GRID2IP: variants seen among roughly 807,000 people sequenced by gnomAD.
GRID2IP encodes Grid2 interacting protein.
GRID2IP carries 78 observed loss-of-function variants against 114.3 expected under a neutral mutation model. The observed-to-expected ratio is 0.68, with a 90% CI of 0.57 to 0.82. The LOEUF (loss-of-function observed/expected upper bound fraction) is 0.82, where lower values mean the gene tolerates loss of function less well. Ranked by LOEUF, GRID2IP falls within the 40% of genes least tolerant of loss-of-function variation. The pLI is 0.00. For missense variants in GRID2IP, 1,727 were observed against 1,678.5 expected, an observed-to-expected ratio of 1.03 and a Z score of -0.51; for synonymous variants, 809 against 724.0, an observed-to-expected ratio of 1.12 and a Z score of -1.89.
At position 6,503,604 on chromosome 7, in the gene GRID2IP, C is replaced by G. The variant is rs1381866873; in HGVS notation, c.2794G>C (p.Ala932Pro). 5.2e-6 allele frequency: 8 copies of G among 1,529,162 alleles called. No individual in the cohort carries two copies. The highest frequency in any genetic ancestry group is 7.0e-6 in the Non-Finnish European group (8 of 1,144,380). The allele number at this position is 1,529,162 out of a possible 1,614,324, so 94.7% of individuals were successfully genotyped here. ...MSMEPRRLEPAHLAQLLLFAP... is the reference protein window; with the variant it reads ...MSMEPRRLEPPHLAQLLLFAP... ...AAGAGCAGCAGCTGCGCGAGATGTG[C>G]GGGCTCCAGGCGCCGGGGCTCCATG... is the stretch of plus-strand genomic sequence containing the variant. Residue 932 changes from alanine (A) to proline (P), a missense_variant, in exon 16 of 22, where the codon GCA becomes CCA. Ala to Pro is a conservative substitution (Grantham distance 27). Coordinates refer to ENST00000457091, the MANE Select transcript of GRID2IP (RefSeq NM_001145118.2).
chr7:6,522,805 A>ATGTGTGTGTGTGTGTGTGTGTGTGTG (rs776645557), intron 4 of GRID2IP, among the ~76,000 whole-genome samples: 3 of 57,044 alleles, frequency 5.3e-5, no homozygotes, highest in African/African-American at 1.6e-4. Context: ...TGCCTGGCTA[A>ATGTGTGTGTGTGTGTGTGTGTGTGTG]TATGTGTGTG....
At chr7:6,531,358 G>A (rs932644284) in intron 2 of GRID2IP, among the ~76,000 whole-genome samples, 2 of 152,172 alleles carry the variant, frequency 1.3e-5, no homozygotes, top group Admixed American at 6.5e-5. Flanking sequence ...GTTTGAAGCC[G>A]CCGCGCTCAC....
chr7:6,551,124 G>C lies in GRID2IP; in HGVS notation c.313C>G (p.Pro105Ala), dbSNP rs1388001122. The change falls in exon 1 of 22, where the codon CCG (proline) becomes GCG (alanine). Residue 105 changes from proline to alanine, a missense_variant. By Grantham distance (27) the Pro-to-Ala change is conservative. Transcript: ENST00000457091. ...PAAPTTVLRA[P>A]RCGRGLALGR... ...AGAGCTAGGCCGCGGCCGCACCGCGGGGCCCGCAAGACTGTGGTCGGGGCC... is the reference window on the plus strand; with the variant it reads ...AGAGCTAGGCCGCGGCCGCACCGCGCGGCCCGCAAGACTGTGGTCGGGGCC... The C allele has an allele frequency of 1.5e-6, 2 of 1,299,492 alleles. No homozygotes were observed. The highest frequency in any genetic ancestry group is 1.9e-6 in the Non-Finnish European group (2 of 1,028,046). The allele number at this position is 1,299,492 out of a possible 1,614,324, so 80.5% of individuals were successfully genotyped here. A position where few individuals can be genotyped will look rare whatever the true frequency, so the allele number is the denominator to read the frequency against.
In GRID2IP at chr7:6,550,856, A is replaced by C. The variant is rs186961327; in HGVS notation, c.429+152T>G. On this transcript the variant is annotated intron_variant, in intron 1 of 21. Transcript: ENST00000457091. ...AAAAAAAAATGCAAAATTGTTTGCA[A>C]GGTTTTGAAGTTGAGCATTCCCATA... 2.2e-4 allele frequency among the ~76,000 whole-genome samples: 34 copies of C among 151,828 alleles called. No individual in the cohort carries two copies. The East Asian group carries it at 6.4e-3, about 29-fold the overall frequency.
chr7:6,542,722 C>T (rs1333071000), intron 1 of GRID2IP, among the ~76,000 whole-genome samples: 6 of 152,116 alleles, frequency 3.9e-5, no homozygotes, highest in Admixed American at 3.9e-4. Context: ...TGCAGAATTT[C>T]TTGTTAGAGT....
chr7:6,510,774 G>T, intron 9 of GRID2IP, 68 bp from the exon 10 acceptor site: 1 of 1,483,036 alleles, frequency 6.7e-7, no homozygotes, highest in Non-Finnish European at 9.2e-7. Context: ...GAACCAACAT[G>T]CCCCGCAGAC....
intron 1 of GRID2IP, among the ~76,000 whole-genome samples, chr7:6,542,390 A>T (rs1779827837): frequency 6.6e-6 from 1 of 151,958 alleles, no homozygotes; most frequent in African/African-American, 2.4e-5. Context: ...GCAATGGTTC[A>T]CACCTGTAAT....
intron 15 of GRID2IP, among the ~76,000 whole-genome samples, chr7:6,503,985 G>A (rs1358202888): frequency 2.6e-4 from 39 of 149,724 alleles, no homozygotes; most frequent in Non-Finnish European, 5.5e-4. Flanking sequence ...GTGGGGCCTG[G>A]CAGGAAGGGG....
chr7:6,521,919 G>C lies in GRID2IP; in HGVS notation c.958C>G (p.Arg320Gly). The part of the protein sequence containing the change: ...ADNAALKSGD[R>G]ILFLNGLDMR... ...TCCAGTCCATTGAGGAAGAGGATCC[G>C]GTCACCTGACTTGAGGGCAGCATTG... Residue 320 changes from arginine (R) to glycine (G), a missense_variant, in exon 5 of 22, where the codon CGG becomes GGG. Coordinates refer to ENST00000457091, the MANE Select transcript of GRID2IP (RefSeq NM_001145118.2). The surrounding 1 kb of genome is among the most constrained non-coding windows in gnomAD (Gnocchi z 4.1). The C allele has an allele frequency of 6.4e-7, 1 of 1,551,484 alleles. No individual in the cohort carries two copies. The highest frequency in any genetic ancestry group is 8.7e-7 in the Non-Finnish European group (1 of 1,146,864).
Position 6,521,197 on chromosome 7 carries a change from C to T in GRID2IP, c.1084+232G>A, listed in dbSNP as rs895184585. ...TGTTGCTCAGACTGGTCTCAAACTC[C>T]TGGCCTCAAGCGATCCTCCCACCTT... On this transcript the variant is annotated intron_variant, in intron 6 of 21. Transcript: ENST00000457091. The surrounding 1 kb of genome is among the most constrained non-coding windows in gnomAD (Gnocchi z 4.1). Among the ~76,000 whole-genome samples the T allele has an allele frequency of 1.3e-5, 2 of 152,156 alleles. No homozygotes were observed. The highest frequency in any genetic ancestry group is 2.9e-5 in the Non-Finnish European group (2 of 68,026).
In GRID2IP at chr7:6,507,393, G is replaced by T. The variant is rs1249095780; in HGVS notation, c.2544+592C>A. On this transcript the variant is annotated intron_variant, in intron 13 of 21. Transcript: ENST00000457091. This position sits in a 1 kb window ranked among gnomAD's most constrained non-coding sequence, Gnocchi z 5.3. ...GAGAATGATCTGAAAAAAAAAAAAA[G>T]GGGTGGGGTGAACCTTGTTCATCTT... Among the ~76,000 whole-genome samples the T allele has an allele frequency of 2.1e-5, 3 of 145,282 alleles. No homozygotes were observed. The South Asian group carries it at 6.4e-4, about 31-fold the overall frequency.
At chr7:6,547,584 T>C (rs530217247) in intron 1 of GRID2IP, among the ~76,000 whole-genome samples, 1 of 152,244 alleles carries the variant, frequency 6.6e-6, no homozygotes, top group African/African-American at 2.4e-5. Context: ...GGTTTGTTTG[T>C]TATAGCAGCA....
chr7:6,526,761 A>G lies in GRID2IP; in HGVS notation c.593T>C (p.Ile198Thr). 6.6e-7 allele frequency: 1 copy of G among 1,520,386 alleles called. No individual in the cohort carries two copies. The highest frequency in any genetic ancestry group is 8.8e-7 in the Non-Finnish European group (1 of 1,133,650). 94.2% of individuals were successfully genotyped at this position (1,520,386 alleles called of 1,614,324 possible). The change falls in exon 3 of 22, where the codon ATC (isoleucine) becomes ACC (threonine). Residue 198 changes from isoleucine (I) to threonine (T), a missense_variant. Coordinates refer to ENST00000457091, the MANE Select transcript of GRID2IP (RefSeq NM_001145118.2). This position sits in a 1 kb window ranked among gnomAD's most constrained non-coding sequence, Gnocchi z 7.6. Reference sequence around the variant, plus strand: ...GAAGCGCGCCCGGTGCTTCTTGGGGATGAAGATCCTGCCGGCGAGGACGGC... The same window carrying G: ...GAAGCGCGCCCGGTGCTTCTTGGGGGTGAAGATCCTGCCGGCGAGGACGGC... Reference protein sequence around the residue: ...GPLLDNLRIFIPKKHRARFDE... With the variant: ...GPLLDNLRIFTPKKHRARFDE...
Position 6,502,827 on chromosome 7 carries a change from T to C in GRID2IP, c.3109A>G (p.Thr1037Ala). 1 of 1,551,854 alleles carries C rather than the reference T, an allele frequency of 6.4e-7. No individual in the cohort carries two copies. Among genetic ancestry groups the C allele is most frequent in the Middle Eastern group, 1.7e-4 (1 of 5,994 alleles). ...ATCTTGAAGCCCGTAGTCTTGTTGG[T>C]TTTGGGCTGTCCATCGTTGAGATAG... ...GNYLNDGQPKTNKTTGFKINF... is the reference protein window; with the variant it reads ...GNYLNDGQPKANKTTGFKINF... The change falls in exon 18 of 22, where the codon ACC becomes GCC. Residue 1037 changes from threonine (T) to alanine (A), a missense_variant. By Grantham distance (58) the Thr-to-Ala change is moderately conservative. Coordinates refer to ENST00000457091, the MANE Select transcript of GRID2IP (RefSeq NM_001145118.2).
intron 8 of GRID2IP, among the ~76,000 whole-genome samples, chr7:6,513,073 A>T (rs1356156561): frequency 1.3e-5 from 2 of 152,102 alleles, no homozygotes; most frequent in Admixed American, 6.6e-5. Context: ...TTCGGAGGGC[A>T]CGCTGAACAG....
intron 2 of GRID2IP, chr7:6,530,971 C>A: frequency 5.4e-6 from 3 of 556,830 alleles, no homozygotes; most frequent in Non-Finnish European, 9.6e-6. Flanking sequence ...AGCCCCTCCA[C>A]GCTCCAGCCC....
chr7:6,514,339 T>A, intron 8 of GRID2IP, 36 bp downstream of exon 8: 1 of 1,463,042 alleles, frequency 6.8e-7, no homozygotes, highest in Non-Finnish European at 9.1e-7. Flanking sequence ...AGTCAGCAGC[T>A]GCAGGCAGGG....
At chr7:6,525,677 G>C (rs866462747) in intron 4 of GRID2IP, among the ~76,000 whole-genome samples, 11 of 152,094 alleles carry the variant, frequency 7.2e-5, no homozygotes, top group African/African-American at 2.7e-4. Context: ...ATGATTTCAG[G>C]AACAAGAAGG....
At chr7:6,502,148 T>A (rs1458166653) in intron 18 of GRID2IP, 30 bp from the exon 19 acceptor site, 1 of 1,549,076 alleles carries the variant, frequency 6.5e-7, no homozygotes, top group Non-Finnish European at 8.7e-7. Context: ...TACATTCCCG[T>A]CAAGGACCCC....
Sources: allele counts gnomAD v4.1 joint callset (sites outside exome capture counted in the v4.1 genomes callset), GRCh38; gene constraint gnomAD v4.1.1; non-coding constraint Gnocchi (gnomAD v3.1); transcripts MANE v1.5; gene names NCBI Gene and HGNC (gene_info 2026-07-23, HGNC 2026-07-21).